ASRGL1: variants seen among roughly 807,000 people sequenced by gnomAD.
ASRGL1 encodes isoaspartyl peptidase/L-asparaginase.
ASRGL1 carries 16 observed loss-of-function variants against 22.4 expected under a neutral mutation model. The observed-to-expected ratio is 0.71, with a 90% CI of 0.48 to 1.08. ASRGL1 has a LOEUF of 1.08. Ranked by LOEUF, ASRGL1 falls within the 50% of genes least tolerant of loss-of-function variation. ASRGL1 has a pLI of 0.00. For missense variants in ASRGL1, 412 were observed against 410.1 expected, an observed-to-expected ratio of 1.00 and a Z score of -0.04; for synonymous variants, 165 against 159.3, an observed-to-expected ratio of 1.04 and a Z score of -0.27.
intron 2 of ASRGL1, among the ~76,000 whole-genome samples, chr11:62,341,534 C>T (rs993498872): frequency 1.3e-5 from 2 of 152,084 alleles, no homozygotes; most frequent in African/African-American, 4.8e-5. Context: ...CAGTCTCTTT[C>T]TGGACTTACA....
At chr11:62,381,066 T>A (rs1392000336) in intron 4 of ASRGL1, among the ~76,000 whole-genome samples, 1 of 152,178 alleles carries the variant, frequency 6.6e-6, no homozygotes, top group Non-Finnish European at 1.5e-5. Flanking sequence ...GCGGCCAGTA[T>A]TGATAGGCTA....
chr11:62,345,070 A>G (rs1262758129), intron 2 of ASRGL1, among the ~76,000 whole-genome samples: 1 of 152,208 alleles, frequency 6.6e-6, no homozygotes, highest in East Asian at 1.9e-4. Context: ...TTTATGGCTG[A>G]GTAGTACTCC....
chr11:62,341,508 A>C (rs954095828), intron 2 of ASRGL1, among the ~76,000 whole-genome samples: 2 of 151,976 alleles, frequency 1.3e-5, no homozygotes, highest in African/African-American at 4.8e-5. Context: ...TGAAAACAGG[A>C]TTTTTTTCAT....
chr11:62,356,042 C>T (rs977519277), intron 2 of ASRGL1, among the ~76,000 whole-genome samples: 1 of 152,232 alleles, frequency 6.6e-6, no homozygotes, highest in Non-Finnish European at 1.5e-5. Context: ...GACACGGCAA[C>T]CATCCGACTT....
In ASRGL1 at chr11:62,357,029, G is replaced by A. The variant is rs1019402662; in HGVS notation, c.376G>A (p.Ala126Thr). The stretch of plus-strand genomic sequence containing the variant: ...GACTGACCAAGGCGCAGCGCAGTTT[G>A]CAGCAGCTATGGGGGTTCCAGAGAT... ...FLTDQGAAQF[A>T]AAMGVPEIPG... The change falls in exon 4 of 7, where the codon GCA becomes ACA. Residue 126 changes from alanine (A) to threonine (T), a missense_variant. Physicochemically the swap from Ala to Thr is moderately conservative, Grantham distance 58. Coordinates refer to ENST00000415229, the MANE Select transcript of ASRGL1 (RefSeq NM_001083926.2). 13 of 1,614,056 alleles carry A rather than the reference G, an allele frequency of 8.1e-6. No homozygotes were observed. Among genetic ancestry groups the A allele is most frequent in the Admixed American group, 1.7e-5 (1 of 59,984 alleles).
intron 2 of ASRGL1, among the ~76,000 whole-genome samples, chr11:62,338,540 A>G (rs1377586024): frequency 6.6e-6 from 1 of 152,168 alleles, no homozygotes; most frequent in African/African-American, 2.4e-5. Context: ...TTAAGATTCA[A>G]AGATTTTCTG....
intron 4 of ASRGL1, among the ~76,000 whole-genome samples, chr11:62,366,809 C>T (rs1488365286): frequency 2.0e-5 from 3 of 152,118 alleles, no homozygotes; most frequent in African/African-American, 7.2e-5. Flanking sequence ...CTGTACCTGG[C>T]TCTTTCTTAT....
chr11:62,389,154 T>C lies in ASRGL1; in HGVS notation c.513T>C (p.Ala171=). 1.2e-6 allele frequency: 2 copies of C among 1,613,266 alleles called. 1 individual carries two copies. Among genetic ancestry groups the C allele is most frequent in the East Asian group, 4.5e-5 (2 of 44,844 alleles). ...GCAGAAACTTGGGAACCGTGGGTGC[T>C]GTTGCCTTGGACTGCAAAGGGAATG... ...DCQKNLGTVG[A]VALDCKGNVA... Residue 171 remains alanine (A), a synonymous_variant, in exon 5 of 7, where the codon GCT becomes GCC. Transcript: ENST00000415229.
intron 4 of ASRGL1, 96 bp from the exon 5 acceptor site, chr11:62,389,037 T>G (rs933204188): frequency 9.4e-6 from 10 of 1,060,790 alleles, no homozygotes; most frequent in Non-Finnish European, 1.1e-5. Context: ...CATCAACATA[T>G]AACATGAAAC....
Position 62,392,392 on chromosome 11 carries a change from G to C in ASRGL1, c.*108G>C. ...TAGAATTGGAAAAATTGTCCCGTCT[G>C]TCACTTGTTTTGTTGCCTTAATAAG... is the stretch of plus-strand genomic sequence containing the variant. On this transcript the variant is annotated 3_prime_UTR_variant, in exon 7 of 7. Transcript: ENST00000415229. 7.4e-7 allele frequency: 1 copy of C among 1,355,946 alleles called. No individual in the cohort carries two copies. Among genetic ancestry groups the C allele is most frequent in the Non-Finnish European group, 1.0e-6 (1 of 977,216 alleles). The allele number at this position is 1,355,946 out of a possible 1,614,324, so 84.0% of individuals were successfully genotyped here.
intron 4 of ASRGL1, among the ~76,000 whole-genome samples, chr11:62,364,158 C>CAA (rs71053048): frequency 0.26 from 23,901 of 93,068 alleles, 3,680 homozygotes; most frequent in South Asian, 0.33. Flanking sequence ...GAGTCCGTCT[C>CAA]AAAAAAAAAA....
At chr11:62,356,953 A>G in intron 3 of ASRGL1, 34 bp from the exon 4 acceptor site, 1 of 1,562,722 alleles carries the variant, frequency 6.4e-7, no homozygotes, top group Non-Finnish European at 8.6e-7. Context: ...AATTTTCAAA[A>G]AAACAATCAT....
intron 4 of ASRGL1, among the ~76,000 whole-genome samples, chr11:62,374,220 C>G: frequency 6.6e-6 from 1 of 152,280 alleles, no homozygotes; most frequent in African/African-American, 2.4e-5. Flanking sequence ...TTGGGATTAC[C>G]AAAGAGTCCC....
downstream of ASRGL1, among the ~76,000 whole-genome samples, chr11:62,394,320 A>T (rs1947404887): frequency 7.2e-6 from 1 of 139,846 alleles, no homozygotes; most frequent in Admixed American, 7.4e-5. Context: ...AATATATGAT[A>T]TATAATTTAT....
rs150970142 is a variant in ASRGL1 at position 62,356,325 on chromosome 11, G to A, written c.191G>A (p.Gly64Asp). 3.1e-4 allele frequency: 498 copies of A among 1,613,738 alleles called. No homozygotes were observed. The highest frequency in any genetic ancestry group is 3.8e-4 in the Non-Finnish European group (453 of 1,179,884). Residue 64 changes from glycine to aspartate, a missense_variant and splice_region_variant, in exon 3 of 7, where the codon GGT (glycine) becomes GAT (aspartate). Gly to Asp is a moderately conservative substitution (Grantham distance 94). Transcript: ENST00000415229. Reference sequence around the variant, plus strand: ...CTTTTCAACTTCTTTTTGGTTTTAGGTTGTGGGTCTGTCTTGAACACAAAT... The same window carrying A: ...CTTTTCAACTTCTTTTTGGTTTTAGATTGTGGGTCTGTCTTGAACACAAAT... ...ALEDDPEFNA[G>D]CGSVLNTNGE...
chr11:62,350,403 A>G (rs1946141443), intron 2 of ASRGL1, among the ~76,000 whole-genome samples: 1 of 152,218 alleles, frequency 6.6e-6, no homozygotes, highest in Admixed American at 6.5e-5. Context: ...AACATTCATG[A>G]ACACGTTTTT....
intron 2 of ASRGL1, among the ~76,000 whole-genome samples, chr11:62,341,250 G>A (rs1395186915): frequency 6.7e-6 from 1 of 148,658 alleles, no homozygotes; most frequent in Non-Finnish European, 1.5e-5. Context: ...CCAGGCTGGA[G>A]TGCAGTGGCA....
chr11:62,395,188 C>T (rs1366272558), downstream of ASRGL1, among the ~76,000 whole-genome samples: 2 of 152,132 alleles, frequency 1.3e-5, no homozygotes, highest in African/African-American at 4.8e-5. Flanking sequence ...GCAAATGGCC[C>T]GAAGAACCCA....
chr11:62,351,391 T>C (rs1946162510), intron 2 of ASRGL1, among the ~76,000 whole-genome samples: 1 of 152,188 alleles, frequency 6.6e-6, no homozygotes. Flanking sequence ...GGCTCAAGCA[T>C]GTAATCCCAG....
Sources: gnomAD v4.1 joint callset for allele counts (sites outside exome capture counted in the v4.1 genomes callset) on GRCh38, gnomAD v4.1.1 for gene constraint, MANE v1.5 for transcripts, NCBI Gene and HGNC (gene_info 2026-07-23, HGNC 2026-07-21) for gene names.